PTPN9: variants seen among roughly 807,000 people sequenced by gnomAD.
The protein encoded by PTPN9 is protein tyrosine phosphatase non-receptor type 9.
A neutral mutation model predicts 69.8 loss-of-function variants in PTPN9; 26 were observed. The observed-to-expected ratio is 0.37, with a 90% CI of 0.27 to 0.52. PTPN9 has a LOEUF of 0.52. PTPN9 is among the 20% of genes least tolerant of loss of function. The pLI, the probability that PTPN9 is intolerant of heterozygous loss-of-function variation, is 0.91. For missense variants in PTPN9, 549 were observed against 740.3 expected (o/e 0.74, Z 3.00); for synonymous variants, 274 against 272.5 (o/e 1.01, Z -0.05).
At position 75,479,896 on chromosome 15, in the gene PTPN9, T is replaced by C; in HGVS notation, c.1081A>G (p.Ser361Gly). Residue 361 changes from serine (S) to glycine (G), a missense_variant, in exon 9 of 13, where the codon AGT becomes GGT. This residue lies in a region of PTPN9 where 457 missense variants were observed against 661.9 expected (regional missense o/e 0.69). Coordinates refer to ENST00000618819, the MANE Select transcript of PTPN9 (RefSeq NM_002833.4). ...GHTQTDYINASFMDGYKQKNA... is the reference protein window; with the variant it reads ...GHTQTDYINAGFMDGYKQKNA... ...TTCTGCTTGTAGCCATCCATGAAAC[T>C]GGCATTGATGTAATCTGTCTAATGA... 6.2e-7 allele frequency: 1 copy of C among 1,610,202 alleles called. No individual in the cohort carries two copies. The highest frequency in any genetic ancestry group is 8.5e-7 in the Non-Finnish European group (1 of 1,177,572).
chr15:75,551,028 G>C (rs1296149275), intron 1 of PTPN9, among the ~76,000 whole-genome samples: 1 of 152,074 alleles, frequency 6.6e-6, no homozygotes, highest in Non-Finnish European at 1.5e-5. Context: ...TAGTGTGCTG[G>C]GCCATGAGGC....
chr15:75,550,314 C>T (rs2075051815), intron 1 of PTPN9, among the ~76,000 whole-genome samples: 2 of 151,420 alleles, frequency 1.3e-5, no homozygotes, highest in Admixed American at 6.6e-5. Flanking sequence ...TACAGGCACC[C>T]GCCACTACAT....
chr15:75,565,148 A>T (rs192191802), intron 1 of PTPN9, among the ~76,000 whole-genome samples: 2 of 139,262 alleles, frequency 1.4e-5, no homozygotes, highest in African/African-American at 2.7e-5. Context: ...TAATAATAAT[A>T]ATTTTTTAAA....
intron 5 of PTPN9, among the ~76,000 whole-genome samples, chr15:75,515,854 G>A (rs1375914299): frequency 2.0e-5 from 3 of 151,900 alleles, no homozygotes; most frequent in African/African-American, 7.3e-5. Flanking sequence ...CCGACATCGC[G>A]CCACCGCACT....
chr15:75,547,608 T>TAC lies in PTPN9; in HGVS notation c.64-20349_64-20348dup, dbSNP rs557024305. Among the ~76,000 whole-genome samples, 383 of 152,036 alleles carry TAC rather than the reference T, an allele frequency of 2.5e-3. 1 individual carries two copies. Among genetic ancestry groups the TAC allele is most frequent in the African/African-American group, 8.8e-3 (365 of 41,506 alleles). On this transcript the variant is annotated intron_variant, in intron 1 of 12. Coordinates refer to ENST00000618819, the MANE Select transcript of PTPN9 (RefSeq NM_002833.4). ...TTGAAGGCATTGTGTAAAACTTAACTACACTGCATTAAGTAACACCAGACC... is the reference window on the plus strand; with the variant it reads ...TTGAAGGCATTGTGTAAAACTTAACTACACACTGCATTAAGTAACACCAGACC...
rs558171490 is a variant in PTPN9, at chr15:75,495,391, G to A, written c.969-5090C>T. Among the ~76,000 whole-genome samples the A allele has an allele frequency of 2.0e-4, 31 of 152,182 alleles. No homozygotes were observed. The South Asian group carries it at 4.6e-3, about 22-fold the overall frequency. ...TCACTTGGAAACTAATGATAACACT[G>A]TAAAATAAATCTGATTGGGCATATA... On this transcript the variant is annotated intron_variant, in intron 7 of 12. Transcript: ENST00000618819.
At chr15:75,469,005 C>T in intron 12 of PTPN9, 22 bp from the exon 13 acceptor site, 1 of 1,587,284 alleles carries the variant, frequency 6.3e-7, no homozygotes, top group Non-Finnish European at 8.6e-7. Flanking sequence ...AGGAAGTGAT[C>T]ACATCTGGTT....
intron 7 of PTPN9, among the ~76,000 whole-genome samples, chr15:75,502,548 T>C (rs2074779386): frequency 6.6e-6 from 1 of 152,052 alleles, no homozygotes; most frequent in African/African-American, 2.4e-5. Flanking sequence ...TATATATGTA[T>C]GTATGTATAT....
At chr15:75,500,310 A>AAAAT (rs577876977) in intron 7 of PTPN9, among the ~76,000 whole-genome samples, 23 of 151,454 alleles carry the variant, frequency 1.5e-4, no homozygotes, top group East Asian at 5.8e-4. Context: ...ACTCTGTCTC[A>AAAAT]AAATAAATAA....
At chr15:75,491,195 G>A (rs919173213) in intron 7 of PTPN9, among the ~76,000 whole-genome samples, 1 of 151,982 alleles carries the variant, frequency 6.6e-6, no homozygotes, top group East Asian at 1.9e-4. Flanking sequence ...CTGGGGTCAG[G>A]GGTTCAAGAC....
At chr15:75,544,511 C>CA (rs765801834) in intron 1 of PTPN9, among the ~76,000 whole-genome samples, 4 of 152,142 alleles carry the variant, frequency 2.6e-5, no homozygotes, top group Non-Finnish European at 4.4e-5. Flanking sequence ...GCCTGGGTGA[C>CA]AGAGCAGAAC....
chr15:75,525,130 TTC>T (rs547434707), intron 2 of PTPN9, among the ~76,000 whole-genome samples: 76 of 152,216 alleles, frequency 5.0e-4, no homozygotes, highest in Admixed American at 1.4e-3. Context: ...AATAGGAGCC[TTC>T]TCTCCACCTG....
At chr15:75,526,616 T>C (rs1014310827) in intron 2 of PTPN9, among the ~76,000 whole-genome samples, 8 of 152,200 alleles carry the variant, frequency 5.3e-5, no homozygotes, top group African/African-American at 1.7e-4. Context: ...AAAATCCTGA[T>C]GCCGCTACAT....
At chr15:75,568,507 C>CAA (rs1206871976) in intron 1 of PTPN9, among the ~76,000 whole-genome samples, 4 of 56,248 alleles carry the variant, frequency 7.1e-5, no homozygotes, top group Non-Finnish European at 1.2e-4. Context: ...GACCTTGTCT[C>CAA]AAAAAAAAAA....
chr15:75,485,005 G>C (rs1276700183), intron 8 of PTPN9, among the ~76,000 whole-genome samples: 1 of 152,158 alleles, frequency 6.6e-6, no homozygotes, highest in Non-Finnish European at 1.5e-5. Flanking sequence ...TAAATAAATA[G>C]TGGAGTGATA....
Position 75,523,124 on chromosome 15 carries a change from T to C in PTPN9, c.419A>G (p.Asp140Gly). The change falls in exon 4 of 13, where the codon GAT becomes GGT. Residue 140 changes from aspartate to glycine, a missense_variant. Transcript: ENST00000618819. ...ALFYLLDRAVDSFETQRNGLV... is the reference protein window; with the variant it reads ...ALFYLLDRAVGSFETQRNGLV... ...AAAAAATAATCTCAATGCTTACCTATCCACAGCTCTGTCTAGCAAGTAAAA... is the reference window on the plus strand; with the variant it reads ...AAAAAATAATCTCAATGCTTACCTACCCACAGCTCTGTCTAGCAAGTAAAA... The C allele has an allele frequency of 6.2e-7, 1 of 1,613,306 alleles. No individual in the cohort carries two copies. The highest frequency in any genetic ancestry group is 8.5e-7 in the Non-Finnish European group (1 of 1,179,794).
At chr15:75,573,353 T>C (rs1189536769) in intron 1 of PTPN9, among the ~76,000 whole-genome samples, 1 of 152,152 alleles carries the variant, frequency 6.6e-6, no homozygotes, top group Non-Finnish European at 1.5e-5. Context: ...TCATATAAGC[T>C]CCTTAAAAGC....
At chr15:75,572,561 A>G (rs1381977353) in intron 1 of PTPN9, among the ~76,000 whole-genome samples, 1 of 151,748 alleles carries the variant, frequency 6.6e-6, no homozygotes, top group Non-Finnish European at 1.5e-5. Flanking sequence ...AAGAAAATAC[A>G]AAAATTAGTC....
chr15:75,514,782 T>C (rs1160650401), intron 5 of PTPN9, among the ~76,000 whole-genome samples: 1 of 152,106 alleles, frequency 6.6e-6, no homozygotes, highest in Non-Finnish European at 1.5e-5. Flanking sequence ...AAAAAATATA[T>C]AGCTAACGAA....
Sources: gnomAD v4.1 joint callset for allele counts (sites outside exome capture counted in the v4.1 genomes callset) on GRCh38, gnomAD v4.1.1 for gene constraint, gnomAD v4.1.1 regional missense constraint, MANE v1.5 for transcripts, NCBI Gene and HGNC (gene_info 2026-07-23, HGNC 2026-07-21) for gene names.